The following ADAMTSL1 variants were observed in gnomAD, a reference collection of about 807,000 sequenced individuals.
ADAMTSL1 encodes the protein ADAMTS-like protein 1.
In ADAMTSL1, 126 loss-of-function variants were observed where a neutral mutation model predicts 201.8. The observed-to-expected ratio is 0.62, with a 90% CI of 0.54 to 0.72. ADAMTSL1 has a LOEUF of 0.72. ADAMTSL1 is among the 30% of genes least tolerant of loss of function. The pLI is 0.00. For synonymous variants in ADAMTSL1, 1,121 were observed against 903.4 expected, an observed-to-expected ratio of 1.24 and a Z score of -4.32; for missense variants, 2,679 against 2,277.8, an observed-to-expected ratio of 1.18 and a Z score of -3.59.
chr9:18,734,047 G>T (rs750464440), intron 15 of ADAMTSL1, among the ~76,000 whole-genome samples: 3 of 152,120 alleles, frequency 2.0e-5, no homozygotes, highest in Non-Finnish European at 2.9e-5. Context: ...CGTAAATCAG[G>T]GTTAAAATCC....
intron 2 of ADAMTSL1, among the ~76,000 whole-genome samples, chr9:18,362,511 T>A (rs1266325845): frequency 1.3e-5 from 2 of 152,206 alleles, no homozygotes; most frequent in African/African-American, 4.8e-5. Flanking sequence ...AATAGCTGAG[T>A]GTTCCTTGCT....
chr9:18,236,244 G>C (rs1269242660), intron 2 of ADAMTSL1, among the ~76,000 whole-genome samples: 3 of 152,082 alleles, frequency 2.0e-5, no homozygotes, highest in Non-Finnish European at 4.4e-5. Flanking sequence ...CTAATTTTTT[G>C]TATTTTTACT....
At chr9:18,150,437 A>G (rs1440775347) in intron 1 of ADAMTSL1, among the ~76,000 whole-genome samples, 1 of 152,094 alleles carries the variant, frequency 6.6e-6, no homozygotes, top group African/African-American at 2.4e-5. Context: ...CTAGGAAGAT[A>G]TTGATAATTT....
chr9:18,486,342 A>G (rs1821992846), intron 1 of ADAMTSL1, among the ~76,000 whole-genome samples: 1 of 152,238 alleles, frequency 6.6e-6, no homozygotes, highest in Non-Finnish European at 1.5e-5. Context: ...AGAGACTGCC[A>G]AACTGTTGTG....
intron 1 of ADAMTSL1, among the ~76,000 whole-genome samples, chr9:17,936,146 C>T (rs2840786): frequency 6.6e-6 from 1 of 152,106 alleles, no homozygotes; most frequent in African/African-American, 2.4e-5. Context: ...TTGGGGCCAA[C>T]TGTGCATGTG....
chr9:18,320,703 A>C (rs1188547740), intron 2 of ADAMTSL1, among the ~76,000 whole-genome samples: 1 of 152,212 alleles, frequency 6.6e-6, no homozygotes, highest in Non-Finnish European at 1.5e-5. Context: ...TAAAATATTA[A>C]CACAAAGGAT....
chr9:18,114,944 A>G (rs978578809), intron 1 of ADAMTSL1, among the ~76,000 whole-genome samples: 1 of 152,150 alleles, frequency 6.6e-6, no homozygotes, highest in African/African-American at 2.4e-5. Context: ...ACCGTGGTCG[A>G]CTTTCTCCGT....
chr9:18,203,646 C>A (rs1205596752), intron 2 of ADAMTSL1, among the ~76,000 whole-genome samples: 1 of 151,848 alleles, frequency 6.6e-6, no homozygotes, highest in Non-Finnish European at 1.5e-5. Context: ...ATTTGAGGCA[C>A]CTCACAAGTT....
At chr9:18,107,834 C>T (rs772931451) in intron 1 of ADAMTSL1, among the ~76,000 whole-genome samples, 124 of 152,154 alleles carry the variant, frequency 8.1e-4, no homozygotes, top group African/African-American at 2.7e-3. Context: ...TAGAAAGTTA[C>T]GCCAGGAAGT....
At chr9:17,990,188 A>C (rs1036848558) in intron 1 of ADAMTSL1, among the ~76,000 whole-genome samples, 3 of 152,056 alleles carry the variant, frequency 2.0e-5, no homozygotes, top group African/African-American at 4.8e-5. Context: ...GGTTTCTCAC[A>C]TGGCACAGAG....
intron 1 of ADAMTSL1, among the ~76,000 whole-genome samples, chr9:17,932,071 C>G (rs1226079317): frequency 6.6e-6 from 1 of 152,190 alleles, no homozygotes. Flanking sequence ...TGTTTGGCAA[C>G]ATGCCATTTC....
At chr9:18,436,850 C>A (rs764554003) in intron 2 of ADAMTSL1, among the ~76,000 whole-genome samples, 55 of 152,120 alleles carry the variant, frequency 3.6e-4, no homozygotes, top group Non-Finnish European at 6.8e-4. Flanking sequence ...GAGCTTCCTG[C>A]AAAAATGTTT....
intron 21 of ADAMTSL1, among the ~76,000 whole-genome samples, chr9:18,818,872 C>T (rs1824025537): frequency 6.6e-6 from 1 of 152,064 alleles, no homozygotes; most frequent in African/African-American, 2.4e-5. Context: ...CTTCTCATGG[C>T]CTTTGTGATG....
At chr9:18,410,956 C>T (rs896694834) in intron 2 of ADAMTSL1, among the ~76,000 whole-genome samples, 3 of 151,048 alleles carry the variant, frequency 2.0e-5, no homozygotes, top group Non-Finnish European at 4.4e-5. Flanking sequence ...ATTCTCCTGC[C>T]TCAGCCTCCA....
At chr9:18,557,709 A>G (rs1034794053) in intron 3 of ADAMTSL1, among the ~76,000 whole-genome samples, 6 of 152,014 alleles carry the variant, frequency 3.9e-5, no homozygotes, top group Non-Finnish European at 8.8e-5. Context: ...CCATCATGGC[A>G]TTTATCTTTT....
Position 18,777,542 on chromosome 9 carries a change from G to C in ADAMTSL1, c.3313G>C (p.Ala1105Pro). 1 of 1,603,460 alleles carries C rather than the reference G, an allele frequency of 6.2e-7. No individual in the cohort carries two copies. Among genetic ancestry groups the C allele is most frequent in the Non-Finnish European group, 8.5e-7 (1 of 1,175,396 alleles). ...LYSKHLVAQL[A>P]QEIFRSHLEH... ...CAGCAAGCACCTGGTGGCCCAGCTG[G>C]CCCAGGAGATCTTCCGCAGCCACCT... is the stretch of plus-strand genomic sequence containing the variant. The change falls in exon 19 of 29, where the codon GCC becomes CCC. Residue 1105 changes from alanine (A) to proline (P), a missense_variant. Ala to Pro is a conservative substitution (Grantham distance 27, BLOSUM62 -1). Coordinates refer to ENST00000380548, the MANE Select transcript of ADAMTSL1 (RefSeq NM_001040272.6).
At chr9:18,306,528 C>T (rs899512864) in intron 2 of ADAMTSL1, among the ~76,000 whole-genome samples, 22 of 151,962 alleles carry the variant, frequency 1.4e-4, no homozygotes, top group Admixed American at 1.2e-3. Context: ...AAACACAGCA[C>T]GAGAACTCAT....
intron 20 of ADAMTSL1, among the ~76,000 whole-genome samples, chr9:18,806,974 T>G (rs1292240721): frequency 6.6e-6 from 1 of 152,174 alleles, no homozygotes; most frequent in Non-Finnish European, 1.5e-5. Context: ...CTATTTCCCC[T>G]GTTACATTAC....
chr9:18,514,327 C>CTTTTTTTTTTTT (rs397963773), intron 2 of ADAMTSL1, among the ~76,000 whole-genome samples: 3 of 100,102 alleles, frequency 3.0e-5, no homozygotes, highest in Non-Finnish European at 2.0e-5. Flanking sequence ...ATTTTTCTTT[C>CTTTTTTTTTTTT]TTTTTTTTTT....
Sources: gnomAD v4.1 joint callset for allele counts (sites outside exome capture counted in the v4.1 genomes callset) on GRCh38, gnomAD v4.1.1 for gene constraint, MANE v1.5 for transcripts, NCBI Gene and HGNC (gene_info 2026-07-23, HGNC 2026-07-21) for gene names.